The following RAB5A variants were observed in gnomAD, a reference collection of about 807,000 sequenced individuals.
The protein encoded by RAB5A is ras-related protein Rab-5A.
In RAB5A, 8 loss-of-function variants were observed where a neutral mutation model predicts 25.7. The ratio of observed to expected loss-of-function variants is 0.31; its 90% CI spans 0.18 to 0.56. RAB5A has a LOEUF of 0.56. Among genes scored for constraint, RAB5A ranks in the 20% least tolerant of loss-of-function variants. RAB5A has a pLI of 0.91. For missense variants in RAB5A, 192 were observed against 259.7 expected (o/e 0.74, Z 1.79); for synonymous variants, 98 against 89.8 (o/e 1.09, Z -0.52).
chr3:19,969,206 G>C (rs1422624753), intron 2 of RAB5A, among the ~76,000 whole-genome samples: 1 of 151,736 alleles, frequency 6.6e-6, no homozygotes, highest in Non-Finnish European at 1.5e-5. Flanking sequence ...ATCCACGTCC[G>C]GCTAATTTTT....
intron 5 of RAB5A, among the ~76,000 whole-genome samples, chr3:19,981,274 T>TA (rs1696921568): frequency 6.6e-6 from 1 of 152,190 alleles, no homozygotes; most frequent in Non-Finnish European, 1.5e-5. Context: ...ATTCTTAACT[T>TA]ACTACGGGAT....
intron 2 of RAB5A, among the ~76,000 whole-genome samples, chr3:19,956,564 T>A (rs1266389095): frequency 6.6e-6 from 1 of 152,194 alleles, no homozygotes; most frequent in Non-Finnish European, 1.5e-5. Context: ...TTGTTTTTAG[T>A]CTAAAACAAC....
In RAB5A at chr3:19,976,993, C is replaced by G. The variant is rs575302763; in HGVS notation, c.438+824C>G. Among the ~76,000 whole-genome samples, 80 of 151,664 alleles carry G rather than the reference C, an allele frequency of 5.3e-4. 1 individual carries two copies. Among genetic ancestry groups the G allele is most frequent in the Non-Finnish European group, 7.8e-4 (53 of 67,958 alleles). ...GCTGAGAAAATCCAGTTTTGTATTA[C>G]GATTGCTAATTCAGAATGTTTGCTG... On this transcript the variant is annotated intron_variant, in intron 4 of 5. Transcript: ENST00000273047.
intron 1 of RAB5A, among the ~76,000 whole-genome samples, chr3:19,948,899 T>G (rs1303894907): frequency 6.6e-6 from 1 of 152,344 alleles, no homozygotes; most frequent in East Asian, 1.9e-4. Context: ...TGAAGATGTA[T>G]TGGTGCATTT....
chr3:19,969,031 GT>G lies in RAB5A; in HGVS notation c.164-6558del, dbSNP rs1162365486. ...TGCAAATTGGTGTTTTTTGGTTTTG[GT>G]TTTTTTTTTTTGGTTTTTTTTTTTT... On this transcript the variant is annotated intron_variant, in intron 2 of 5. Transcript: ENST00000273047. Among the ~76,000 whole-genome samples the G allele has an allele frequency of 1.7e-4, 17 of 99,742 alleles. No individual in the cohort carries two copies. The East Asian group carries it at 3.2e-3, about 19-fold the overall frequency. The allele number at this position is 99,742 out of a possible 152,430, so 65.4% of individuals were successfully genotyped here.
intron 2 of RAB5A, among the ~76,000 whole-genome samples, chr3:19,969,594 G>A (rs1461848347): frequency 6.6e-6 from 1 of 152,170 alleles, no homozygotes; most frequent in Non-Finnish European, 1.5e-5. Flanking sequence ...TATGACACAA[G>A]TTTTGCAAAC....
chr3:19,973,882 A>G (rs779621471), intron 2 of RAB5A, among the ~76,000 whole-genome samples: 2 of 152,212 alleles, frequency 1.3e-5, no homozygotes, highest in Non-Finnish European at 2.9e-5. Context: ...AGCACATTTG[A>G]TACTGGTTAG....
At chr3:19,982,369 G>C (rs771421126) in intron 5 of RAB5A, among the ~76,000 whole-genome samples, 3 of 152,196 alleles carry the variant, frequency 2.0e-5, no homozygotes, top group Admixed American at 6.5e-5. Context: ...GTATGTTTGT[G>C]TGTGAGTATG....
chr3:19,980,801 G>A (rs1696911226), intron 5 of RAB5A, among the ~76,000 whole-genome samples: 1 of 152,172 alleles, frequency 6.6e-6, no homozygotes, highest in Admixed American at 6.5e-5. Context: ...CCCAGAGCCA[G>A]TCCCAGAGAA....
At chr3:19,980,820 A>G (rs1020367879) in intron 5 of RAB5A, among the ~76,000 whole-genome samples, 5 of 152,322 alleles carry the variant, frequency 3.3e-5, no homozygotes, top group East Asian at 1.9e-4. Context: ...AAGTGGCCCA[A>G]TTGAAGGCTT....
At chr3:19,955,364 A>T (rs73819078) in intron 2 of RAB5A, among the ~76,000 whole-genome samples, 7,651 of 152,294 alleles carry the variant, frequency 0.05, 283 homozygotes, top group South Asian at 0.18. Flanking sequence ...GTCCTCAAAG[A>T]GCGTTCCCAC....
At chr3:19,958,399 T>G (rs1404951984) in intron 2 of RAB5A, among the ~76,000 whole-genome samples, 1 of 152,210 alleles carries the variant, frequency 6.6e-6, no homozygotes, top group Non-Finnish European at 1.5e-5. Context: ...TTCCCCAATT[T>G]CTTAGGTTAA....
At chr3:19,967,905 G>C (rs1301084647) in intron 2 of RAB5A, among the ~76,000 whole-genome samples, 4 of 152,034 alleles carry the variant, frequency 2.6e-5, no homozygotes, top group African/African-American at 7.2e-5. Flanking sequence ...AATAAAAATG[G>C]CCTCAGTTTT....
intron 2 of RAB5A, among the ~76,000 whole-genome samples, chr3:19,962,782 TA>T (rs1319144769): frequency 6.6e-6 from 1 of 151,960 alleles, no homozygotes. Flanking sequence ...CTGCAGTATA[TA>T]TTTTTAGAGC....
At chr3:19,983,180 A>G (rs1471764599) in intron 5 of RAB5A, among the ~76,000 whole-genome samples, 2 of 151,912 alleles carry the variant, frequency 1.3e-5, no homozygotes, top group African/African-American at 4.8e-5. Flanking sequence ...CTACTAAAAA[A>G]CAAAAATTAG....
chr3:19,972,906 A>C (rs1696770944), intron 2 of RAB5A, among the ~76,000 whole-genome samples: 1 of 152,164 alleles, frequency 6.6e-6, no homozygotes, highest in Non-Finnish European at 1.5e-5. Context: ...GGCCCTCTGA[A>C]TCTGTGAGTT....
intron 2 of RAB5A, among the ~76,000 whole-genome samples, chr3:19,954,868 C>T (rs1355109402): frequency 1.3e-5 from 2 of 152,114 alleles, no homozygotes; most frequent in African/African-American, 4.8e-5. Flanking sequence ...CTTCATGCAT[C>T]CTACCCCTAT....
At chr3:19,956,530 A>G (rs1696505298) in intron 2 of RAB5A, among the ~76,000 whole-genome samples, 2 of 152,208 alleles carry the variant, frequency 1.3e-5, no homozygotes, top group African/African-American at 2.4e-5. Context: ...ACATCCATCT[A>G]AATTGGTTAG....
chr3:19,958,907 T>G (rs2125182161), intron 2 of RAB5A, among the ~76,000 whole-genome samples: 1 of 152,112 alleles, frequency 6.6e-6, no homozygotes, highest in East Asian at 1.9e-4. Flanking sequence ...CCACTGCACT[T>G]CAACCTGGGT....
Sources: allele counts gnomAD v4.1 joint callset (sites outside exome capture counted in the v4.1 genomes callset), GRCh38; gene constraint gnomAD v4.1.1; transcripts MANE v1.5; gene names NCBI Gene and HGNC (gene_info 2026-07-23, HGNC 2026-07-21).